The following PARP6 variants were observed in gnomAD, a reference collection of about 807,000 sequenced individuals.
PARP6 encodes poly(ADP-ribose) polymerase family member 6, also known as protein mono-ADP-ribosyltransferase PARP6.
Under a neutral mutation model 92.0 loss-of-function variants are expected in PARP6, and 27 were observed. The ratio of observed to expected loss-of-function variants is 0.29; its 90% CI spans 0.22 to 0.40. The LOEUF (loss-of-function observed/expected upper bound fraction) is 0.40, where lower values mean the gene tolerates loss of function less well. Ranked by LOEUF, PARP6 falls within the 10% of genes least tolerant of loss-of-function variation. The pLI, the probability that PARP6 is intolerant of heterozygous loss-of-function variation, is 1.00. For synonymous variants in PARP6, 272 were observed against 281.2 expected (o/e 0.97, Z 0.33); for missense variants, 501 against 784.5 (o/e 0.64, Z 4.32).
rs1208241581 is a variant in PARP6 at position 72,242,354 on chromosome 15, A to T, written c.1642-134T>A. The T allele has an allele frequency of 1.4e-6, 1 of 705,820 alleles. No homozygotes were observed. The highest frequency in any genetic ancestry group is 1.8e-5 in the African/African-American group (1 of 55,966). The allele number at this position is 705,820 out of a possible 1,614,324, so 43.7% of individuals were successfully genotyped here. On this transcript the variant is annotated intron_variant, in intron 21 of 23. Transcript: ENST00000569795. This position sits in a 1 kb window ranked among gnomAD's most constrained non-coding sequence, Gnocchi z 4.3. ...CTCCCAGCAACACCCCTCGCCGCCC[A>T]GAAAATTCTTCTTTCCCATAATCAG...
chr15:72,268,154 AAC>A (rs577508192), intron 2 of PARP6, among the ~76,000 whole-genome samples: 20 of 152,362 alleles, frequency 1.3e-4, no homozygotes, highest in African/African-American at 4.8e-4. Context: ...TAGATAATGA[AAC>A]ACAAAAGCAC....
At chr15:72,251,060 A>G (rs147475626) in intron 17 of PARP6, 106 bp from the exon 18 acceptor site, 1 of 1,001,164 alleles carries the variant, frequency 1.0e-6, no homozygotes, top group East Asian at 2.4e-5. Context: ...TTAACCCCAC[A>G]CAAGGGAAAT....
intron 20 of PARP6, among the ~76,000 whole-genome samples, chr15:72,248,127 T>C (rs1214875786): frequency 6.6e-6 from 1 of 152,208 alleles, no homozygotes; most frequent in East Asian, 1.9e-4. Context: ...TTGGTCATTA[T>C]ATTATTTAAT....
intron 2 of PARP6, among the ~76,000 whole-genome samples, chr15:72,270,198 T>C (rs1043546558): frequency 2.6e-5 from 4 of 152,122 alleles, no homozygotes; most frequent in African/African-American, 9.7e-5. Flanking sequence ...ACGGAAAGTA[T>C]AACTAAAGTT....
At position 72,260,645 on chromosome 15, in the gene PARP6, T is replaced by G; in HGVS notation, c.589A>C (p.Lys197Gln). ...PIIQDSMLKG[K>Q]LGVPELRVGR... ...ACCCGAAGCTCTGGTACACCTAGTTTGCCTTTCAGCATGGAGTCCTGTATG... is the reference window on the plus strand; with the variant it reads ...ACCCGAAGCTCTGGTACACCTAGTTGGCCTTTCAGCATGGAGTCCTGTATG... Residue 197 changes from lysine (K) to glutamine (Q), a missense_variant, in exon 10 of 24, where the codon AAA becomes CAA. This residue lies in a region of PARP6 where 291 missense variants were observed against 352.0 expected (regional missense o/e 0.83). Transcript: ENST00000569795. The G allele has an allele frequency of 6.2e-7, 1 of 1,614,188 alleles. No homozygotes were observed. Among genetic ancestry groups the G allele is most frequent in the Non-Finnish European group, 8.5e-7 (1 of 1,180,028 alleles).
At chr15:72,254,780 C>A (rs60756383) in intron 14 of PARP6, among the ~76,000 whole-genome samples, 289 of 152,216 alleles carry the variant, frequency 1.9e-3, no homozygotes, top group African/African-American at 6.5e-3. Flanking sequence ...CCTATCACCC[C>A]CATAGAGATG....
At chr15:72,269,299 T>C (rs1275169891) in intron 2 of PARP6, among the ~76,000 whole-genome samples, 1 of 152,148 alleles carries the variant, frequency 6.6e-6, no homozygotes, top group African/African-American at 2.4e-5. Flanking sequence ...TAGCTGGGAT[T>C]ATAGGCGCCC....
At chr15:72,252,400 C>T (rs909050094) in intron 16 of PARP6, among the ~76,000 whole-genome samples, 1 of 152,156 alleles carries the variant, frequency 6.6e-6, no homozygotes, top group Non-Finnish European at 1.5e-5. Context: ...AAAATACATA[C>T]GCGAGATAAT....
chr15:72,254,655 A>C, intron 14 of PARP6, 135 bp from the exon 15 acceptor site: 1 of 652,850 alleles, frequency 1.5e-6, no homozygotes. Flanking sequence ...AAGAGCATTA[A>C]TGTCAGACAG....
intron 11 of PARP6, among the ~76,000 whole-genome samples, chr15:72,258,562 C>G (rs2085432904): frequency 6.6e-6 from 1 of 152,152 alleles, no homozygotes; most frequent in Admixed American, 6.5e-5. Context: ...TAGGCTGTCC[C>G]TCTGGGATAG....
chr15:72,251,501 G>GAAAAA (rs34379650), intron 16 of PARP6: 2 of 219,720 alleles, frequency 9.1e-6, no homozygotes, highest in African/African-American at 2.4e-5. Flanking sequence ...AACAATGGAT[G>GAAAAA]AAAAAAAAAA....
At chr15:72,265,048 G>T in intron 7 of PARP6, 33 bp downstream of exon 7, 1 of 1,427,880 alleles carries the variant, frequency 7.0e-7, no homozygotes, top group Non-Finnish European at 9.9e-7. Context: ...ACCACACTCA[G>T]ACCACCCACT....
intron 2 of PARP6, among the ~76,000 whole-genome samples, chr15:72,268,676 C>T (rs1178829985): frequency 6.6e-6 from 1 of 152,184 alleles, no homozygotes. Flanking sequence ...CCAGCCTGGA[C>T]AGTAAGAGCA....
In PARP6 at chr15:72,259,657, C is replaced by G. The variant is rs771944914; in HGVS notation, c.761G>C (p.Ser254Thr). The part of the protein sequence containing the change: ...PPPARTSPLV[S>T]GHCKNIPTLE... ...AGTGGGAATGTTCTTGCAGTGACCA[C>G]TGACCTGGTGAGAGTAAAAAGACAG... The change falls in exon 11 of 24, where the codon AGT becomes ACT. Residue 254 changes from serine to threonine, a missense_variant. Coordinates refer to ENST00000569795, the MANE Select transcript of PARP6 (RefSeq NM_001323532.2). The G allele has an allele frequency of 6.2e-7, 1 of 1,613,996 alleles. No individual in the cohort carries two copies. The highest frequency in any genetic ancestry group is 8.5e-7 in the Non-Finnish European group (1 of 1,179,888).
chr15:72,241,193 C>T lies in PARP6; in HGVS notation c.*262G>A, dbSNP rs1358329561. 1.7e-6 allele frequency: 1 copy of T among 585,712 alleles called. No homozygotes were observed. Among genetic ancestry groups the T allele is most frequent in the African/African-American group, 1.8e-5 (1 of 54,594 alleles). 36.3% of individuals were successfully genotyped at this position (585,712 alleles called of 1,614,324 possible). A position where few individuals can be genotyped will look rare whatever the true frequency, so the allele number is the denominator to read the frequency against. ...CACAGTGATCATATCCAGTCCACAGCACCTTCCATTTTATTGTTTTATTTA... is the reference window on the plus strand; with the variant it reads ...CACAGTGATCATATCCAGTCCACAGTACCTTCCATTTTATTGTTTTATTTA... On this transcript the variant is annotated 3_prime_UTR_variant, in exon 24 of 24. Coordinates refer to ENST00000569795, the MANE Select transcript of PARP6 (RefSeq NM_001323532.2). The surrounding 1 kb of genome is among the most constrained non-coding windows in gnomAD (Gnocchi z 4.1).
chr15:72,259,498 G>T, intron 11 of PARP6, 110 bp downstream of exon 11: 1 of 843,046 alleles, frequency 1.2e-6, no homozygotes, highest in Non-Finnish European at 2.0e-6. Flanking sequence ...ATTAGTTCTG[G>T]AAGCAAAGCA....
intron 1 of PARP6, among the ~76,000 whole-genome samples, chr15:72,271,578 C>T (rs1457595620): frequency 6.6e-6 from 1 of 152,194 alleles, no homozygotes; most frequent in Non-Finnish European, 1.5e-5. Flanking sequence ...ATACTTAGAC[C>T]TACAGAGGTC....
intron 19 of PARP6, 64 bp downstream of exon 19, chr15:72,249,956 C>T: frequency 9.2e-7 from 1 of 1,082,046 alleles, no homozygotes. Context: ...CTAGAGCAGC[C>T]TTCCACAAAA....
Position 72,247,165 on chromosome 15 carries a change from T to C in PARP6, c.1561+2080A>G, listed in dbSNP as rs957897117. Among the ~76,000 whole-genome samples the C allele has an allele frequency of 4.6e-5, 7 of 152,168 alleles. 1 individual carries two copies. Among genetic ancestry groups the C allele is most frequent in the Admixed American group, 3.3e-4 (5 of 15,262 alleles). ...TTTCTTTAGGGTGTCTTCTGAAGAA[T>C]ATAAGTTTTAAATTTTTTTTCTTTT... On this transcript the variant is annotated intron_variant, in intron 20 of 23. Transcript: ENST00000569795.
Sources: allele counts gnomAD v4.1 joint callset (sites outside exome capture counted in the v4.1 genomes callset), GRCh38; gene constraint gnomAD v4.1.1; regional missense constraint gnomAD v4.1.1; non-coding constraint Gnocchi (gnomAD v3.1); transcripts MANE v1.5; gene names NCBI Gene and HGNC (gene_info 2026-07-23, HGNC 2026-07-21).